Variants in KCNMB2 observed in about 807,000 individuals in gnomAD.
KCNMB2 encodes the protein calcium-activated potassium channel subunit beta-2.
KCNMB2 carries 9 observed loss-of-function variants against 24.5 expected under a neutral mutation model. That is an observed-to-expected ratio of 0.37 (90% CI 0.22 to 0.64). KCNMB2 has a LOEUF of 0.64. Among genes scored for constraint, KCNMB2 ranks in the 30% least tolerant of loss-of-function variants. The pLI is 0.63. For missense variants in KCNMB2, 226 were observed against 284.3 expected (o/e 0.79, Z 1.47); for synonymous variants, 109 against 104.4 (o/e 1.04, Z -0.27).
At chr3:178,737,226 G>A (rs1268262602) in intron 1 of KCNMB2, among the ~76,000 whole-genome samples, 4 of 151,992 alleles carry the variant, frequency 2.6e-5, no homozygotes, top group African/African-American at 9.7e-5. Context: ...GCCGAGATGT[G>A]CCACTGCCCT....
intron 1 of KCNMB2, among the ~76,000 whole-genome samples, chr3:178,680,386 G>A (rs1577092619): frequency 6.6e-6 from 1 of 152,084 alleles, no homozygotes; most frequent in African/African-American, 2.4e-5. Context: ...ACACCTACCT[G>A]TGCTATCTGG....
intron 1 of KCNMB2, among the ~76,000 whole-genome samples, chr3:178,779,331 A>C (rs1260334400): frequency 6.6e-6 from 1 of 152,214 alleles, no homozygotes; most frequent in Non-Finnish European, 1.5e-5. Flanking sequence ...CCCCTCCTTG[A>C]AGTAAGGCAC....
intron 1 of KCNMB2, among the ~76,000 whole-genome samples, chr3:178,667,126 C>A (rs1720747099): frequency 6.6e-6 from 1 of 151,562 alleles, no homozygotes; most frequent in Non-Finnish European, 1.5e-5. Context: ...CATGGGGGGT[C>A]AAGTGTACTT....
chr3:178,573,795 A>G (rs1337628667), intron 1 of KCNMB2, among the ~76,000 whole-genome samples: 2 of 149,804 alleles, frequency 1.3e-5, no homozygotes, highest in Non-Finnish European at 3.0e-5. Flanking sequence ...GCAATGTTGT[A>G]TGAGACATGG....
At chr3:178,764,962 A>T (rs1157128797) in intron 1 of KCNMB2, among the ~76,000 whole-genome samples, 1 of 152,236 alleles carries the variant, frequency 6.6e-6, no homozygotes, top group African/African-American at 2.4e-5. Context: ...ATGAAAACAA[A>T]TCAATGAGAA....
chr3:178,726,023 T>C (rs1037170027), intron 1 of KCNMB2, among the ~76,000 whole-genome samples: 4 of 151,950 alleles, frequency 2.6e-5, no homozygotes, highest in African/African-American at 7.2e-5. Context: ...CTTGACTTTT[T>C]TGGATAATTT....
At chr3:178,741,798 T>C (rs1723505009) in intron 1 of KCNMB2, among the ~76,000 whole-genome samples, 1 of 152,210 alleles carries the variant, frequency 6.6e-6, no homozygotes, top group Admixed American at 6.5e-5. Context: ...GCTGAGGGGA[T>C]GAACTTGCCC....
chr3:178,784,063 C>T (rs1263570396), intron 1 of KCNMB2, among the ~76,000 whole-genome samples: 1 of 152,160 alleles, frequency 6.6e-6, no homozygotes, highest in Non-Finnish European at 1.5e-5. Flanking sequence ...TGTCTATTTT[C>T]CCAAGAAAAC....
At chr3:178,585,245 T>C (rs1381634808) in intron 1 of KCNMB2, among the ~76,000 whole-genome samples, 3 of 152,186 alleles carry the variant, frequency 2.0e-5, no homozygotes, top group Non-Finnish European at 4.4e-5. Context: ...CATAATACAT[T>C]TGTACAAACT....
chr3:178,544,685 T>C (rs1715719445), intron 1 of KCNMB2, among the ~76,000 whole-genome samples: 1 of 152,182 alleles, frequency 6.6e-6, no homozygotes, highest in South Asian at 2.1e-4. Context: ...ATCTTGGTGT[T>C]TTCCTGAGTG....
intron 1 of KCNMB2, among the ~76,000 whole-genome samples, chr3:178,657,694 AG>A (rs2108567459): frequency 6.6e-6 from 1 of 152,344 alleles, no homozygotes; most frequent in East Asian, 1.9e-4. Context: ...TATAATGAAA[AG>A]AAGTTTATTT....
chr3:178,823,781 T>C (rs1352372614), intron 2 of KCNMB2, among the ~76,000 whole-genome samples: 1 of 152,088 alleles, frequency 6.6e-6, no homozygotes, highest in Non-Finnish European at 1.5e-5. Context: ...CAGGCATATC[T>C]TCCCTCCCCC....
chr3:178,718,356 A>C (rs778559505), intron 1 of KCNMB2, among the ~76,000 whole-genome samples: 44 of 152,294 alleles, frequency 2.9e-4, no homozygotes, highest in Non-Finnish European at 5.7e-4. Flanking sequence ...CAAGTCCCTG[A>C]GTTTTTTTCT....
At chr3:178,604,199 C>T (rs1444737169) in intron 1 of KCNMB2, among the ~76,000 whole-genome samples, 2 of 152,046 alleles carry the variant, frequency 1.3e-5, no homozygotes, top group Admixed American at 1.3e-4. Flanking sequence ...GCACTGTTTG[C>T]AGGTGAGAAA....
At chr3:178,792,922 C>A (rs1345611054) in intron 1 of KCNMB2, among the ~76,000 whole-genome samples, 1 of 152,246 alleles carries the variant, frequency 6.6e-6, no homozygotes. Flanking sequence ...ACTGGGCACA[C>A]CCAAGGGCAG....
chr3:178,684,625 C>T (rs1187716718), intron 1 of KCNMB2, among the ~76,000 whole-genome samples: 2 of 151,988 alleles, frequency 1.3e-5, no homozygotes, highest in Non-Finnish European at 2.9e-5. Context: ...GTCGGGAGTT[C>T]GTGACCAGCC....
chr3:178,824,990 A>G (rs1380005500), intron 2 of KCNMB2, among the ~76,000 whole-genome samples: 6 of 152,220 alleles, frequency 3.9e-5, no homozygotes, highest in Non-Finnish European at 7.3e-5. Context: ...AAGTTTTCAC[A>G]TATAAGAATA....
chr3:178,706,016 A>G (rs1357723114), intron 1 of KCNMB2, among the ~76,000 whole-genome samples: 3 of 152,044 alleles, frequency 2.0e-5, no homozygotes, highest in Non-Finnish European at 4.4e-5. Context: ...ACCAAGACAC[A>G]CCTTTAAATA....
intron 1 of KCNMB2, among the ~76,000 whole-genome samples, chr3:178,628,266 A>G (rs1167012229): frequency 3.9e-5 from 6 of 152,316 alleles, no homozygotes; most frequent in Non-Finnish European, 7.4e-5. Context: ...ACAAAAGAAG[A>G]CAAGAGCACT....
Sources: allele counts gnomAD v4.1 joint callset (sites outside exome capture counted in the v4.1 genomes callset), GRCh38; gene constraint gnomAD v4.1.1; transcripts MANE v1.5; gene names NCBI Gene and HGNC (gene_info 2026-07-23, HGNC 2026-07-21).